The following CA8 variants were observed in gnomAD, a reference collection of about 807,000 sequenced individuals.
CA8 encodes carbonic anhydrase-related protein.
Under a neutral mutation model 41.4 loss-of-function variants are expected in CA8, and 22 were observed. The ratio of observed to expected loss-of-function variants is 0.53; its 90% CI spans 0.38 to 0.76. CA8 has a LOEUF of 0.76. CA8 is among the 30% of genes least tolerant of loss of function. The pLI, the probability that CA8 is intolerant of heterozygous loss-of-function variation, is 0.00. For synonymous variants in CA8, 121 were observed against 130.6 expected (o/e 0.93, Z 0.50); for missense variants, 270 against 352.8 (o/e 0.77, Z 1.88).
chr8:60,229,400 C>T (rs1464684330), intron 4 of CA8, among the ~76,000 whole-genome samples: 1 of 152,168 alleles, frequency 6.6e-6, no homozygotes, highest in Non-Finnish European at 1.5e-5. Flanking sequence ...CAGGGTGGAA[C>T]TCTGACCCAC....
intron 8 of CA8, among the ~76,000 whole-genome samples, chr8:60,203,638 G>C (rs931641607): frequency 6.6e-6 from 1 of 152,010 alleles, no homozygotes; most frequent in African/African-American, 2.4e-5. Context: ...AAGAGGTACA[G>C]AAAATATTAA....
At chr8:60,213,425 G>T (rs1806910245) in intron 7 of CA8, among the ~76,000 whole-genome samples, 1 of 152,172 alleles carries the variant, frequency 6.6e-6, no homozygotes, top group Non-Finnish European at 1.5e-5. Context: ...AAGACACTGA[G>T]AAAATACATA....
At chr8:60,247,622 A>G (rs1264554001) in intron 3 of CA8, among the ~76,000 whole-genome samples, 1 of 152,144 alleles carries the variant, frequency 6.6e-6, no homozygotes, top group Non-Finnish European at 1.5e-5. Context: ...TCCATGGTAT[A>G]TATGTACCAC....
rs192385796 is a variant in CA8, at chr8:60,205,167, T to C, written c.*35+3583A>G. Among the ~76,000 whole-genome samples the C allele has an allele frequency of 1.9e-3, 287 of 152,308 alleles. 1 individual carries two copies. Among genetic ancestry groups the C allele is most frequent in the Middle Eastern group, 6.8e-3 (2 of 294 alleles). ...CATTTTTCTGGCTTTGTTTCTTTTT[T>C]AACGTATTTAGGGCATTCTTATTTT... On this transcript the variant is annotated intron_variant, in intron 8 of 8. Transcript: ENST00000317995.
At chr8:60,244,057 C>T (rs1808135777) in intron 3 of CA8, among the ~76,000 whole-genome samples, 1 of 152,164 alleles carries the variant, frequency 6.6e-6, no homozygotes, top group African/African-American at 2.4e-5. Flanking sequence ...GCTGAGTTCC[C>T]TCCACCGCCC....
intron 3 of CA8, among the ~76,000 whole-genome samples, chr8:60,254,410 T>C (rs182005902): frequency 1.3e-5 from 2 of 152,312 alleles, no homozygotes; most frequent in African/African-American, 2.4e-5. Context: ...TGCCTGTATG[T>C]AGACCCCTTT....
chr8:60,233,963 G>T (rs1807745194), intron 3 of CA8, among the ~76,000 whole-genome samples: 1 of 152,156 alleles, frequency 6.6e-6, no homozygotes, highest in African/African-American at 2.4e-5. Context: ...TGCACTGTGG[G>T]TGGTGACTTT....
intron 8 of CA8, among the ~76,000 whole-genome samples, chr8:60,193,040 A>C (rs1806181399): frequency 6.6e-6 from 1 of 151,666 alleles, no homozygotes; most frequent in African/African-American, 2.4e-5. Context: ...GCTATATAGT[A>C]AATCTGGTTG....
chr8:60,198,356 C>T (rs937663645), intron 8 of CA8, among the ~76,000 whole-genome samples: 20 of 152,166 alleles, frequency 1.3e-4, no homozygotes, highest in African/African-American at 4.8e-4. Context: ...GTTCCCATCA[C>T]TCACTAATAT....
intron 8 of CA8, among the ~76,000 whole-genome samples, chr8:60,190,957 T>TATATATATACACACAC (rs1554573722): frequency 9.6e-5 from 10 of 104,238 alleles, no homozygotes; most frequent in African/African-American, 3.1e-4. Context: ...TATATATATA[T>TATATATATACACACAC]ACACACACAC....
chr8:60,268,326 G>A (rs553130207), intron 2 of CA8, among the ~76,000 whole-genome samples: 259 of 152,240 alleles, frequency 1.7e-3, no homozygotes, highest in Non-Finnish European at 2.8e-3. Flanking sequence ...AAGGCACACA[G>A]TATTTCTAAA....
At chr8:60,208,579 A>G (rs1371559520) in intron 8 of CA8, 171 bp downstream of exon 8, 1 of 629,038 alleles carries the variant, frequency 1.6e-6, no homozygotes, top group Non-Finnish European at 2.8e-6. Context: ...ATAAAATTAA[A>G]ATACCTACTT....
chr8:60,201,171 A>G (rs540943895), intron 8 of CA8, among the ~76,000 whole-genome samples: 46 of 152,348 alleles, frequency 3.0e-4, no homozygotes, highest in African/African-American at 1.1e-3. Flanking sequence ...CTGTGAAGGA[A>G]GACCATAAAT....
intron 8 of CA8, among the ~76,000 whole-genome samples, chr8:60,201,414 T>C (rs768090075): frequency 6.6e-6 from 1 of 152,112 alleles, no homozygotes; most frequent in Non-Finnish European, 1.5e-5. Context: ...CAACATTAAG[T>C]AGCCTCCTAA....
At chr8:60,192,758 G>T (rs559891938) in intron 8 of CA8, among the ~76,000 whole-genome samples, 1 of 152,196 alleles carries the variant, frequency 6.6e-6, no homozygotes, top group East Asian at 1.9e-4. Flanking sequence ...GAAACTATCA[G>T]TCCCTTGTCC....
intron 8 of CA8, among the ~76,000 whole-genome samples, chr8:60,192,172 C>G (rs1165460520): frequency 2.6e-5 from 4 of 151,896 alleles, no homozygotes; most frequent in East Asian, 1.9e-4. Context: ...TACACTTGAT[C>G]TTGTTTACTG....
chr8:60,200,101 T>C (rs967533067), intron 8 of CA8, among the ~76,000 whole-genome samples: 3 of 152,168 alleles, frequency 2.0e-5, no homozygotes, highest in Non-Finnish European at 2.9e-5. Context: ...ACTGCCCTTA[T>C]AAAAGAGACC....
At chr8:60,256,252 G>A (rs1052836314) in intron 3 of CA8, among the ~76,000 whole-genome samples, 1 of 152,140 alleles carries the variant, frequency 6.6e-6, no homozygotes, top group Non-Finnish European at 1.5e-5. Context: ...TTGTATAAGG[G>A]TAGGTAGAAT....
At chr8:60,228,524 G>T (rs1208864005) in intron 4 of CA8, among the ~76,000 whole-genome samples, 1 of 152,188 alleles carries the variant, frequency 6.6e-6, no homozygotes, top group African/African-American at 2.4e-5. Flanking sequence ...GTGGTGCTCA[G>T]GAACAGGCTC....
Sources: gnomAD v4.1 joint callset for allele counts (sites outside exome capture counted in the v4.1 genomes callset) on GRCh38, gnomAD v4.1.1 for gene constraint, MANE v1.5 for transcripts, NCBI Gene and HGNC (gene_info 2026-07-23, HGNC 2026-07-21) for gene names.